FGF12: variants seen among roughly 807,000 people sequenced by gnomAD.
The protein encoded by FGF12 is fibroblast growth factor 12B.
Under a neutral mutation model 23.6 loss-of-function variants are expected in FGF12, and 14 were observed. The observed-to-expected ratio is 0.59, with a 90% CI of 0.39 to 0.93. FGF12 has a LOEUF of 0.93. FGF12 is among the 40% of genes least tolerant of loss of function. The probability of loss-of-function intolerance (pLI) is 0.00; values close to 1 mark genes in which losing one functional copy is unlikely to be tolerated. For synonymous variants in FGF12, 62 were observed against 77.3 expected (o/e 0.80, Z 1.04); for missense variants, 175 against 217.8 (o/e 0.80, Z 1.24).
intron 2 of FGF12, among the ~76,000 whole-genome samples, chr3:192,589,695 G>A (rs571784298): frequency 6.6e-6 from 1 of 151,898 alleles, no homozygotes; most frequent in Non-Finnish European, 1.5e-5. Context: ...TCAAGAAGTA[G>A]ATGAAATCCC....
chr3:192,287,309 T>G (rs781135468), intron 4 of FGF12, among the ~76,000 whole-genome samples: 19 of 152,092 alleles, frequency 1.2e-4, no homozygotes, highest in Non-Finnish European at 2.5e-4. Flanking sequence ...TGTATTCCCT[T>G]TTTGCCTATT....
intron 1 of FGF12, 23 bp downstream of exon 1, chr3:192,727,461 G>T: frequency 9.3e-5 from 64 of 687,520 alleles, no homozygotes; most frequent in Non-Finnish European, 1.2e-4. Context: ...TGCCCGCTCA[G>T]ATTTTTTTTT....
At chr3:192,375,443 A>G (rs1719441622) in intron 2 of FGF12, among the ~76,000 whole-genome samples, 3 of 152,220 alleles carry the variant, frequency 2.0e-5, no homozygotes, top group Non-Finnish European at 1.5e-5. Flanking sequence ...TCTAACATAA[A>G]GGTGTAGTTT....
rs760675264 is a variant in FGF12, at chr3:192,415,776, A to ACTCT, written c.14-55239_14-55238insAGAG. On this transcript the variant is annotated intron_variant, in intron 2 of 5. Coordinates refer to ENST00000445105, the MANE Select transcript of FGF12 (RefSeq NM_004113.6). ...CACACACACACACACACACACACAC[A>ACTCT]CTCATGTTCACAGAAGAAAAGGAAT... 8.4e-5 allele frequency among the ~76,000 whole-genome samples: 12 copies of ACTCT among 143,656 alleles called. No individual in the cohort carries two copies. In the East Asian group the frequency reaches 1.8e-3, roughly 22 times the overall value. 94.2% of individuals were successfully genotyped at this position (143,656 alleles called of 152,430 possible).
chr3:192,706,200 T>G (rs1165774425), intron 2 of FGF12, among the ~76,000 whole-genome samples: 1 of 152,194 alleles, frequency 6.6e-6, no homozygotes, highest in African/African-American at 2.4e-5. Flanking sequence ...ATTCAAAATA[T>G]GTATATTATT....
intron 2 of FGF12, among the ~76,000 whole-genome samples, chr3:192,669,901 T>G (rs1717046606): frequency 6.6e-6 from 1 of 152,152 alleles, no homozygotes; most frequent in Non-Finnish European, 1.5e-5. Flanking sequence ...CAGCAAAACA[T>G]CCATTCAAAT....
intron 2 of FGF12, among the ~76,000 whole-genome samples, chr3:192,590,881 T>G (rs567672701): frequency 3.2e-4 from 49 of 152,034 alleles, no homozygotes; most frequent in African/African-American, 1.2e-3. Flanking sequence ...GATGACCTGA[T>G]AGCTTGCTGT....
intron 2 of FGF12, among the ~76,000 whole-genome samples, chr3:192,413,082 C>G (rs920590402): frequency 3.3e-5 from 5 of 152,012 alleles, no homozygotes; most frequent in African/African-American, 9.7e-5. Flanking sequence ...TTTTTGGGCT[C>G]TAGTCAAACA....
intron 4 of FGF12, among the ~76,000 whole-genome samples, chr3:192,303,120 T>C (rs1429424834): frequency 2.0e-5 from 3 of 152,224 alleles, no homozygotes; most frequent in Non-Finnish European, 4.4e-5. Flanking sequence ...AATTTTCCAA[T>C]AGAGCTGGAA....
At chr3:192,201,324 C>A (rs967341488) in intron 4 of FGF12, among the ~76,000 whole-genome samples, 4 of 152,128 alleles carry the variant, frequency 2.6e-5, no homozygotes, top group Non-Finnish European at 5.9e-5. Context: ...AAATGGAACA[C>A]AACAACTGAA....
intron 4 of FGF12, among the ~76,000 whole-genome samples, chr3:192,237,595 G>C (rs1441176284): frequency 6.6e-6 from 1 of 152,070 alleles, no homozygotes. Flanking sequence ...CGAGTTCTGA[G>C]ACTTTTTTCC....
chr3:192,294,356 C>T (rs1185583735), intron 4 of FGF12, among the ~76,000 whole-genome samples: 2 of 152,006 alleles, frequency 1.3e-5, no homozygotes, highest in Non-Finnish European at 2.9e-5. Flanking sequence ...TTTTTGAGAG[C>T]CCTTATGACT....
At chr3:192,235,637 A>C (rs1398162211) in intron 4 of FGF12, among the ~76,000 whole-genome samples, 2 of 152,034 alleles carry the variant, frequency 1.3e-5, no homozygotes, top group Non-Finnish European at 2.9e-5. Context: ...TAGGTGTTTT[A>C]GTTGGTGTGC....
At chr3:192,567,830 T>TTTTC (rs770233193) in intron 2 of FGF12, among the ~76,000 whole-genome samples, 7 of 150,184 alleles carry the variant, frequency 4.7e-5, no homozygotes, top group Non-Finnish European at 7.4e-5. Flanking sequence ...TCTCTCTCTC[T>TTTTC]TTTCTTTCTT....
chr3:192,475,941 A>G (rs1723306200), intron 2 of FGF12, among the ~76,000 whole-genome samples: 2 of 151,694 alleles, frequency 1.3e-5, no homozygotes. Context: ...GATAGATGAT[A>G]GATAGATAGA....
chr3:192,222,207 A>G (rs1718509563), intron 4 of FGF12, among the ~76,000 whole-genome samples: 1 of 152,158 alleles, frequency 6.6e-6, no homozygotes, highest in Non-Finnish European at 1.5e-5. Context: ...AGGTGAAAAG[A>G]GATGGATGAA....
At chr3:192,421,667 T>C (rs1249489842) in intron 2 of FGF12, among the ~76,000 whole-genome samples, 2 of 151,942 alleles carry the variant, frequency 1.3e-5, no homozygotes, top group Non-Finnish European at 1.5e-5. Context: ...TCAGGACCTG[T>C]CAGGGGATGG....
chr3:192,510,359 G>A (rs1724432677), intron 2 of FGF12, among the ~76,000 whole-genome samples: 1 of 152,206 alleles, frequency 6.6e-6, no homozygotes, highest in Non-Finnish European at 1.5e-5. Context: ...CAGGTGGCAA[G>A]CAAGGATATG....
At chr3:192,721,693 C>T (rs1001531492) in intron 2 of FGF12, among the ~76,000 whole-genome samples, 1 of 152,120 alleles carries the variant, frequency 6.6e-6, no homozygotes, top group Admixed American at 6.5e-5. Flanking sequence ...AGACCTATTA[C>T]TGAGGGTAAC....
Sources: allele counts gnomAD v4.1 joint callset (sites outside exome capture counted in the v4.1 genomes callset), GRCh38; gene constraint gnomAD v4.1.1; transcripts MANE v1.5; gene names NCBI Gene and HGNC (gene_info 2026-07-23, HGNC 2026-07-21).